NEK1: variants seen among roughly 807,000 people sequenced by gnomAD.
NEK1 encodes NIMA related kinase 1.
Under a neutral mutation model 182.1 loss-of-function variants are expected in NEK1, and 137 were observed. That is an observed-to-expected ratio of 0.75 (90% CI 0.65 to 0.87). The LOEUF (loss-of-function observed/expected upper bound fraction) is 0.87, where lower values mean the gene tolerates loss of function less well. Among genes scored for constraint, NEK1 ranks in the 40% least tolerant of loss-of-function variants. The probability of loss-of-function intolerance (pLI) is 0.00; values close to 1 mark genes in which losing one functional copy is unlikely to be tolerated. For synonymous variants in NEK1, 513 were observed against 492.2 expected, an observed-to-expected ratio of 1.04 and a Z score of -0.56; for missense variants, 1,391 against 1,494.4, an observed-to-expected ratio of 0.93 and a Z score of 1.14.
At chr4:169,592,668 TTCAG>T (rs1384809996) in intron 5 of NEK1, among the ~76,000 whole-genome samples, 1 of 145,280 alleles carries the variant, frequency 6.9e-6, no homozygotes, top group Non-Finnish European at 1.5e-5. Context: ...ACTCTATCTC[TTCAG>T]TATTTTTTTA....
At chr4:169,432,243 T>C (rs1437846879) in intron 29 of NEK1, among the ~76,000 whole-genome samples, 1 of 152,118 alleles carries the variant, frequency 6.6e-6, no homozygotes, top group African/African-American at 2.4e-5. Flanking sequence ...AAAAGTTTGA[T>C]GAGAAAAGTT....
At chr4:169,418,438 T>G (rs1323953023) in intron 31 of NEK1, among the ~76,000 whole-genome samples, 1 of 151,746 alleles carries the variant, frequency 6.6e-6, no homozygotes, top group Non-Finnish European at 1.5e-5. Context: ...CCATAACCAG[T>G]AGAAAAATAA....
At chr4:169,423,774 G>A (rs2111324804) in intron 31 of NEK1, among the ~76,000 whole-genome samples, 1 of 152,186 alleles carries the variant, frequency 6.6e-6, no homozygotes, top group South Asian at 2.1e-4. Flanking sequence ...ACAGCGGAAA[G>A]GCATGACAAT....
chr4:169,460,169 C>T (rs867568494), intron 27 of NEK1, among the ~76,000 whole-genome samples: 25 of 151,944 alleles, frequency 1.6e-4, no homozygotes, highest in African/African-American at 3.1e-4. Flanking sequence ...AATTTTGCTA[C>T]GTGTATTAGT....
chr4:169,540,891 CAAG>C (rs1226119290), intron 18 of NEK1, among the ~76,000 whole-genome samples: 2 of 150,308 alleles, frequency 1.3e-5, no homozygotes, highest in Admixed American at 1.3e-4. Flanking sequence ...TTAGCCCTGA[CAAG>C]AGAAGGGGAG....
intron 31 of NEK1, among the ~76,000 whole-genome samples, chr4:169,422,958 TGGTTTTGGTAGTTC>T (rs1424004739): frequency 7.9e-5 from 12 of 152,158 alleles, no homozygotes; most frequent in South Asian, 2.1e-4. Flanking sequence ...GATCATAAAT[TGGTTTTGGTAGTTC>T]ACACCTTTCA....
At position 169,561,677 on chromosome 4, in the gene NEK1, A is replaced by G; in HGVS notation, c.1191+10T>C. ...AAGAAAAAAGTATATTTAATAGATT[A>G]TCCTCTTACCCTTTCCTTTTCTTGC... On this transcript the variant is annotated intron_variant, in intron 15 of 35. Transcript: ENST00000507142. 1 of 1,565,748 alleles carries G rather than the reference A, an allele frequency of 6.4e-7. No individual in the cohort carries two copies. The highest frequency in any genetic ancestry group is 8.7e-7 in the Non-Finnish European group (1 of 1,153,618).
rs200257446 is a variant in NEK1 at position 169,393,146 on chromosome 4, G to T, written c.*1364C>A. ...CAGGATTGTAAAGAATTAAAATATT[G>T]AATTCATTTTCTTCCATTATGAAGA... On this transcript the variant is annotated 3_prime_UTR_variant, in exon 36 of 36. Transcript: ENST00000507142. 1 of 152,040 alleles carries T rather than the reference G, an allele frequency of 6.6e-6. No homozygotes were observed. The highest frequency in any genetic ancestry group is 1.5e-5 in the Non-Finnish European group (1 of 67,986). The allele number at this position is 152,040 out of a possible 1,614,324, so 9.4% of individuals were successfully genotyped here.
intron 27 of NEK1, among the ~76,000 whole-genome samples, 171 bp downstream of exon 27, chr4:169,463,072 C>A (rs926823821): frequency 1.3e-5 from 2 of 152,048 alleles, no homozygotes; most frequent in Non-Finnish European, 2.9e-5. Context: ...TCAAGACTAC[C>A]ATTTGGACAA....
intron 35 of NEK1, among the ~76,000 whole-genome samples, chr4:169,397,214 G>A (rs1730878512): frequency 6.8e-6 from 1 of 146,416 alleles, no homozygotes; most frequent in East Asian, 2.1e-4. Flanking sequence ...ACAGAGCAAG[G>A]CCCTGTCTCC....
chr4:169,432,418 A>C (rs1008781996), intron 29 of NEK1, among the ~76,000 whole-genome samples: 3 of 152,224 alleles, frequency 2.0e-5, no homozygotes, highest in Admixed American at 6.5e-5. Context: ...AAGTCACTTT[A>C]TATAAAAAGT....
chr4:169,584,366 C>T (rs1767178062), intron 10 of NEK1, among the ~76,000 whole-genome samples: 1 of 152,122 alleles, frequency 6.6e-6, no homozygotes, highest in Admixed American at 6.5e-5. Flanking sequence ...AATCCTAGCA[C>T]TTTGGGAGGC....
chr4:169,570,044 G>A (rs1764445142), intron 12 of NEK1, among the ~76,000 whole-genome samples: 2 of 146,566 alleles, frequency 1.4e-5, no homozygotes, highest in South Asian at 4.2e-4. Flanking sequence ...TCTAGGAAGT[G>A]AGGAGCGCCT....
At chr4:169,482,302 C>A (rs1030301607) in intron 23 of NEK1, among the ~76,000 whole-genome samples, 1 of 151,678 alleles carries the variant, frequency 6.6e-6, no homozygotes, top group African/African-American at 2.4e-5. Flanking sequence ...TCTTTTTTTT[C>A]TAAGAGATGG....
At chr4:169,466,917 TCAAA>T (rs1376524380) in intron 26 of NEK1, among the ~76,000 whole-genome samples, 3 of 151,892 alleles carry the variant, frequency 2.0e-5, no homozygotes, top group Admixed American at 6.6e-5. Context: ...CAGGTGACCC[TCAAA>T]CAAAGTTCTG....
chr4:169,541,499 AAAG>A, intron 18 of NEK1, among the ~76,000 whole-genome samples: 1 of 152,276 alleles, frequency 6.6e-6, no homozygotes, highest in Admixed American at 6.5e-5. Context: ...CTACTACCAT[AAAG>A]AAGAAACAGG....
intron 31 of NEK1, among the ~76,000 whole-genome samples, chr4:169,420,025 T>TTA (rs1251885961): frequency 6.6e-6 from 1 of 152,184 alleles, no homozygotes; most frequent in Non-Finnish European, 1.5e-5. Flanking sequence ...ACTGTGGACT[T>TTA]TATAAACATT....
chr4:169,608,300 A>T (rs1033628109), intron 2 of NEK1, among the ~76,000 whole-genome samples: 4 of 152,212 alleles, frequency 2.6e-5, no homozygotes, highest in African/African-American at 9.6e-5. Context: ...TTGGTTAATA[A>T]TCATAGTGAC....
chr4:169,425,103 A>G lies in NEK1; in HGVS notation c.2975-303T>C, dbSNP rs4692725. On this transcript the variant is annotated intron_variant, in intron 30 of 35. Coordinates refer to ENST00000507142, the MANE Select transcript of NEK1 (RefSeq NM_001199397.3). ...TAATCCCAGCCCCTCAGGAGGCCAA[A>G]GTGGGAGGATTGCTTGAGGCCAGGA... is the stretch of plus-strand genomic sequence containing the variant. Among the ~76,000 whole-genome samples, 122,535 of 152,000 alleles carry G rather than the reference A, an allele frequency of 0.81. 50,832 individuals are homozygous for G. The highest frequency in any genetic ancestry group is 0.92 in the South Asian group (4,431 of 4,822).
Sources: gnomAD v4.1 joint callset for allele counts (sites outside exome capture counted in the v4.1 genomes callset) on GRCh38, gnomAD v4.1.1 for gene constraint, MANE v1.5 for transcripts, NCBI Gene and HGNC (gene_info 2026-07-23, HGNC 2026-07-21) for gene names.